ANO6: variants seen among roughly 807,000 people sequenced by gnomAD.
ANO6 encodes the protein anoctamin 6.
ANO6 carries 106 observed loss-of-function variants against 117.5 expected under a neutral mutation model. That is an observed-to-expected ratio of 0.90 (90% CI 0.77 to 1.06). ANO6 has a LOEUF of 1.06. Among genes scored for constraint, ANO6 ranks in the 50% least tolerant of loss-of-function variants. ANO6 has a pLI of 0.00. For missense variants in ANO6, 955 were observed against 1,121.1 expected, an observed-to-expected ratio of 0.85 and a Z score of 2.12; for synonymous variants, 367 against 385.1, an observed-to-expected ratio of 0.95 and a Z score of 0.55.
At chr12:45,255,827 T>G (rs1321210851) in intron 1 of ANO6, among the ~76,000 whole-genome samples, 5 of 147,044 alleles carry the variant, frequency 3.4e-5, no homozygotes, top group South Asian at 2.2e-4. Context: ...TGTTTTTTTT[T>G]TTTTTTTTTT....
At chr12:45,377,546 A>G (rs1398217409) in intron 9 of ANO6, among the ~76,000 whole-genome samples, 1 of 152,240 alleles carries the variant, frequency 6.6e-6, no homozygotes, top group Non-Finnish European at 1.5e-5. Flanking sequence ...CTCCTGGAGG[A>G]GAGCCACTTC....
intron 2 of ANO6, among the ~76,000 whole-genome samples, chr12:45,316,905 T>A (rs1477535431): frequency 6.7e-6 from 1 of 150,320 alleles, no homozygotes. Context: ...AGTTTTTTTT[T>A]AATGTGGATA....
intron 19 of ANO6, among the ~76,000 whole-genome samples, chr12:45,423,568 A>G (rs1288603691): frequency 1.3e-5 from 2 of 152,200 alleles, no homozygotes. Flanking sequence ...ATAGGATTGT[A>G]TTAAGCTGCA....
intron 1 of ANO6, among the ~76,000 whole-genome samples, chr12:45,252,483 G>GT (rs1565646421): frequency 1.3e-5 from 2 of 151,956 alleles, no homozygotes; most frequent in African/African-American, 2.4e-5. Flanking sequence ...GTCTAGGTGG[G>GT]TTTTTTTGTT....
rs894668632 is a variant in ANO6 at position 45,359,669 on chromosome 12, C to T, written c.998+2245C>T. On this transcript the variant is annotated intron_variant, in intron 8 of 19. Transcript: ENST00000320560. The stretch of plus-strand genomic sequence containing the variant: ...AAATAATACTCCATGTGTGTATAAA[C>T]CGCATTGTTTATTCATTAATTGATG... 2.0e-5 allele frequency among the ~76,000 whole-genome samples: 3 copies of T among 152,280 alleles called. No individual in the cohort carries two copies. The South Asian group carries it at 6.2e-4, about 32-fold the overall frequency.
chr12:45,422,844 G>T, intron 18 of ANO6, 113 bp from the exon 19 acceptor site: 1 of 819,654 alleles, frequency 1.2e-6, no homozygotes, highest in South Asian at 1.4e-5. Context: ...AAAGTGCTAG[G>T]ATTACAGGCA....
intron 9 of ANO6, 50 bp downstream of exon 9, chr12:45,367,843 T>G: frequency 7.5e-7 from 1 of 1,331,790 alleles, no homozygotes; most frequent in Non-Finnish European, 1.1e-6. Context: ...ATTTTTTTTC[T>G]AATGCTAATT....
chr12:45,342,229 G>A (rs1261106612), intron 3 of ANO6, among the ~76,000 whole-genome samples: 1 of 152,162 alleles, frequency 6.6e-6, no homozygotes, highest in East Asian at 1.9e-4. Flanking sequence ...CCTTGAAGGT[G>A]ATGAGTTGTA....
Position 45,430,266 on chromosome 12 carries a change from G to T in ANO6, c.*955G>T. 1.0e-6 allele frequency: 1 copy of T among 985,414 alleles called. No homozygotes were observed. The highest frequency in any genetic ancestry group is 4.7e-5 in the South Asian group (1 of 21,284). The allele number at this position is 985,414 out of a possible 1,614,324, so 61.0% of individuals were successfully genotyped here. A position where few individuals can be genotyped will look rare whatever the true frequency, so the allele number is the denominator to read the frequency against. ...AGTTGACTTTTATTCATTAGATACA[G>T]AAGGTGCAGTATTACACATCACCAG... On this transcript the variant is annotated 3_prime_UTR_variant, in exon 20 of 20. Coordinates refer to ENST00000320560, the MANE Select transcript of ANO6 (RefSeq NM_001025356.3).
rs1332677750 is a variant in ANO6, at chr12:45,431,241, C to T, written c.*1930C>T. The T allele has an allele frequency of 4.1e-6, 4 of 985,246 alleles. No individual in the cohort carries two copies. The African/African-American group carries it at 5.2e-5, about 13-fold the overall frequency. 61.0% of individuals were successfully genotyped at this position (985,246 alleles called of 1,614,324 possible). A position where few individuals can be genotyped will look rare whatever the true frequency, so the allele number is the denominator to read the frequency against. The stretch of plus-strand genomic sequence containing the variant: ...CTTCCCACTGAAGGAAACTCTTTCT[C>T]ATTCGCAGCCAAGACGGGAGTGCCA... On this transcript the variant is annotated 3_prime_UTR_variant, in exon 20 of 20. Transcript: ENST00000320560.
chr12:45,360,726 T>C (rs1451395566), intron 8 of ANO6, among the ~76,000 whole-genome samples: 1 of 152,036 alleles, frequency 6.6e-6, no homozygotes, highest in Non-Finnish European at 1.5e-5. Flanking sequence ...CTTCTAAGAG[T>C]TTTATGGATG....
intron 1 of ANO6, among the ~76,000 whole-genome samples, chr12:45,295,716 A>G (rs1347180901): frequency 2.6e-5 from 4 of 152,114 alleles, no homozygotes. Flanking sequence ...ATGTACCACT[A>G]TGGCTGGCTA....
chr12:45,363,042 C>T (rs1941594753), intron 8 of ANO6, among the ~76,000 whole-genome samples: 1 of 151,888 alleles, frequency 6.6e-6, no homozygotes, highest in South Asian at 2.1e-4. Flanking sequence ...CTATTTAAGC[C>T]TGAAGGACTC....
intron 1 of ANO6, among the ~76,000 whole-genome samples, chr12:45,280,864 GTT>G (rs1312447131): frequency 7.0e-5 from 6 of 85,686 alleles, no homozygotes; most frequent in African/African-American, 9.0e-5. Flanking sequence ...TCATATATGT[GTT>G]TTTATATATA....
At chr12:45,261,384 G>A (rs1565651355) in intron 1 of ANO6, among the ~76,000 whole-genome samples, 1 of 152,218 alleles carries the variant, frequency 6.6e-6, no homozygotes, top group African/African-American at 2.4e-5. Context: ...CTAAAGAGGG[G>A]AAAGGAAGGA....
intron 3 of ANO6, among the ~76,000 whole-genome samples, chr12:45,340,631 T>A (rs1408132272): frequency 6.6e-6 from 1 of 152,196 alleles, no homozygotes; most frequent in Non-Finnish European, 1.5e-5. Context: ...AATTTTTACT[T>A]TAAAATTGTG....
At chr12:45,426,216 A>G (rs971991140) in intron 19 of ANO6, among the ~76,000 whole-genome samples, 1 of 152,252 alleles carries the variant, frequency 6.6e-6, no homozygotes, top group Non-Finnish European at 1.5e-5. Context: ...CCAGGCTTTA[A>G]GCTGGAAATG....
intron 10 of ANO6, among the ~76,000 whole-genome samples, chr12:45,382,003 G>T (rs1942181260): frequency 6.6e-6 from 1 of 151,890 alleles, no homozygotes; most frequent in African/African-American, 2.4e-5. Context: ...CACTCAGGAA[G>T]ATTAAGCCAA....
chr12:45,395,793 C>G (rs1942594923), intron 12 of ANO6, among the ~76,000 whole-genome samples: 1 of 152,112 alleles, frequency 6.6e-6, no homozygotes, highest in African/African-American at 2.4e-5. Context: ...ATTCAATAGC[C>G]CTTCCTGCTA....
Sources: gnomAD v4.1 joint callset for allele counts (sites outside exome capture counted in the v4.1 genomes callset) on GRCh38, gnomAD v4.1.1 for gene constraint, MANE v1.5 for transcripts, NCBI Gene and HGNC (gene_info 2026-07-23, HGNC 2026-07-21) for gene names.